UVRAG: variants seen among roughly 807,000 people sequenced by gnomAD.
UVRAG encodes UV radiation resistance associated.
UVRAG carries 19 observed loss-of-function variants against 78.0 expected under a neutral mutation model. The observed-to-expected ratio is 0.24, with a 90% CI of 0.17 to 0.36. The LOEUF (loss-of-function observed/expected upper bound fraction) is 0.36. Ranked by LOEUF, UVRAG falls within the 10% of genes least tolerant of loss-of-function variation. The pLI, the probability that UVRAG is intolerant of heterozygous loss-of-function variation, is 1.00. For missense variants in UVRAG, 740 were observed against 853.8 expected, an observed-to-expected ratio of 0.87 and a Z score of 1.66; for synonymous variants, 323 against 324.6, an observed-to-expected ratio of 1.00 and a Z score of 0.05.
intron 5 of UVRAG, among the ~76,000 whole-genome samples, chr11:75,900,103 C>G (rs1183386802): frequency 2.6e-5 from 4 of 152,148 alleles, no homozygotes; most frequent in African/African-American, 9.7e-5. Context: ...AATTTTTGAG[C>G]TTTTGAGAAC....
At chr11:75,846,736 GT>G (rs1184939110) in intron 1 of UVRAG, among the ~76,000 whole-genome samples, 4 of 151,852 alleles carry the variant, frequency 2.6e-5, no homozygotes, top group Non-Finnish European at 5.9e-5. Flanking sequence ...TCTCTATTCT[GT>G]TCTCGTCTGT....
chr11:75,895,418 C>CTT (rs1038858620), intron 5 of UVRAG, among the ~76,000 whole-genome samples: 17 of 152,276 alleles, frequency 1.1e-4, no homozygotes, highest in African/African-American at 4.1e-4. Context: ...ACCAAAATCT[C>CTT]TTAACTATAG....
intron 12 of UVRAG, among the ~76,000 whole-genome samples, chr11:76,049,528 G>A (rs1410948245): frequency 1.3e-5 from 2 of 152,144 alleles, no homozygotes; most frequent in Admixed American, 6.5e-5. Flanking sequence ...TAGAAATCTT[G>A]TATGAAATGA....
chr11:75,847,969 C>CAAAA (rs35386754), intron 1 of UVRAG, among the ~76,000 whole-genome samples: 3,735 of 69,670 alleles, frequency 0.054, 219 homozygotes, highest in African/African-American at 0.16. Context: ...GACTGTGTCT[C>CAAAA]AAAAAAAAAA....
intron 7 of UVRAG, among the ~76,000 whole-genome samples, chr11:75,973,586 C>A (rs567831514): frequency 2.0e-5 from 3 of 151,928 alleles, no homozygotes; most frequent in Non-Finnish European, 4.4e-5. Flanking sequence ...ACTTTAAGTT[C>A]TAGGGTACAT....
intron 11 of UVRAG, among the ~76,000 whole-genome samples, chr11:76,015,587 G>A (rs1950131495): frequency 6.6e-6 from 1 of 151,636 alleles, no homozygotes; most frequent in African/African-American, 2.4e-5. Context: ...GTTCTGGACA[G>A]AAAAAAGTAT....
intron 2 of UVRAG, 54 bp downstream of exon 2, chr11:75,852,054 T>G (rs1946164735): frequency 2.3e-5 from 30 of 1,311,108 alleles, no homozygotes; most frequent in Non-Finnish European, 3.2e-5. Context: ...TTATTTTTTT[T>G]GTAACACAAG....
intron 12 of UVRAG, among the ~76,000 whole-genome samples, chr11:76,045,520 G>T (rs868261799): frequency 6.6e-6 from 1 of 152,114 alleles, no homozygotes; most frequent in South Asian, 2.1e-4. Flanking sequence ...AGTTTGTTGG[G>T]ATTTTTTTTA....
At chr11:75,921,495 C>G (rs1947979382) in intron 6 of UVRAG, among the ~76,000 whole-genome samples, 1 of 152,052 alleles carries the variant, frequency 6.6e-6, no homozygotes, top group African/African-American at 2.4e-5. Context: ...ACAATTACAT[C>G]TTGACTTATG....
At chr11:75,986,590 T>C (rs1387136406) in intron 8 of UVRAG, among the ~76,000 whole-genome samples, 1 of 152,146 alleles carries the variant, frequency 6.6e-6, no homozygotes, top group African/African-American at 2.4e-5. Context: ...TATAAAAAAT[T>C]GCAGAAAATT....
At chr11:75,928,811 G>A (rs1485966721) in intron 6 of UVRAG, among the ~76,000 whole-genome samples, 1 of 151,488 alleles carries the variant, frequency 6.6e-6, no homozygotes, top group African/African-American at 2.4e-5. Context: ...GCATGGTGGT[G>A]GGCGCCCGTA....
At chr11:75,863,248 A>G (rs547166250) in intron 3 of UVRAG, among the ~76,000 whole-genome samples, 4 of 152,368 alleles carry the variant, frequency 2.6e-5, no homozygotes, top group Admixed American at 1.3e-4. Context: ...ATATAAAATA[A>G]GTGCCTAGCA....
chr11:76,123,846 A>G (rs1259339222), intron 14 of UVRAG, among the ~76,000 whole-genome samples: 1 of 151,504 alleles, frequency 6.6e-6, no homozygotes, highest in African/African-American at 2.4e-5. Context: ...GCTCATTGCA[A>G]CCCCCACCTC....
intron 8 of UVRAG, among the ~76,000 whole-genome samples, chr11:76,003,253 A>C (rs1271783133): frequency 7.0e-6 from 1 of 142,650 alleles, no homozygotes; most frequent in Non-Finnish European, 1.5e-5. Context: ...TCACGAAAAT[A>C]CTGATTTTTT....
At chr11:76,127,577 T>G (rs1952430114) in intron 14 of UVRAG, among the ~76,000 whole-genome samples, 1 of 147,198 alleles carries the variant, frequency 6.8e-6, no homozygotes, top group Non-Finnish European at 1.5e-5. Context: ...GAGGTTGCAG[T>G]GAGCCAAGAC....
At chr11:75,823,373 G>A (rs1163125545) in intron 1 of UVRAG, among the ~76,000 whole-genome samples, 2 of 152,112 alleles carry the variant, frequency 1.3e-5, no homozygotes, top group Non-Finnish European at 2.9e-5. Context: ...TAAATTATTT[G>A]GAATTTTTCT....
At chr11:75,946,482 T>C (rs767021070) in intron 6 of UVRAG, among the ~76,000 whole-genome samples, 29 of 152,232 alleles carry the variant, frequency 1.9e-4, no homozygotes, top group Non-Finnish European at 3.7e-4. Flanking sequence ...ATACCTGTTT[T>C]ATTGTTTCTC....
At chr11:75,860,608 GA>G (rs1460803242) in intron 2 of UVRAG, among the ~76,000 whole-genome samples, 1 of 152,082 alleles carries the variant, frequency 6.6e-6, no homozygotes, top group Non-Finnish European at 1.5e-5. Context: ...TTAATGGTTG[GA>G]ATAATTGGTT....
intron 8 of UVRAG, among the ~76,000 whole-genome samples, chr11:75,991,424 GTAA>G (rs1949603972): frequency 6.6e-6 from 1 of 152,062 alleles, no homozygotes; most frequent in South Asian, 2.1e-4. Context: ...TCTAGTAAGA[GTAA>G]TAATAGTAGC....
Sources: gnomAD v4.1 joint callset for allele counts (sites outside exome capture counted in the v4.1 genomes callset) on GRCh38, gnomAD v4.1.1 for gene constraint, MANE v1.5 for transcripts, NCBI Gene and HGNC (gene_info 2026-07-23, HGNC 2026-07-21) for gene names.